Variants in RCC1L observed in about 807,000 individuals in gnomAD.
RCC1L encodes the protein RCC1-like G exchanging factor-like protein.
A neutral mutation model predicts 58.6 loss-of-function variants in RCC1L; 46 were observed. The ratio of observed to expected loss-of-function variants is 0.79; its 90% CI spans 0.62 to 1.00. The LOEUF (loss-of-function observed/expected upper bound fraction) is 1.00. RCC1L is among the 50% of genes least tolerant of loss of function. The pLI is 0.00. For synonymous variants in RCC1L, 281 were observed against 262.9 expected (o/e 1.07, Z -0.67); for missense variants, 636 against 623.6 (o/e 1.02, Z -0.21).
At chr7:75,064,185 C>T (rs1806373963) in intron 4 of RCC1L, among the ~76,000 whole-genome samples, 1 of 151,946 alleles carries the variant, frequency 6.6e-6, no homozygotes, top group Non-Finnish European at 1.5e-5. Flanking sequence ...CAAAAATTAG[C>T]CGGGCCTGCT....
chr7:75,047,844 G>A (rs1278458421), intron 10 of RCC1L, among the ~76,000 whole-genome samples: 3 of 147,880 alleles, frequency 2.0e-5, no homozygotes, highest in Non-Finnish European at 3.0e-5. Flanking sequence ...ACGGGGTTTC[G>A]CCATGTTGGT....
In RCC1L at chr7:75,047,252, C is replaced by T. The variant is rs1451601239; in HGVS notation, c.1318-4143G>A. Among the ~76,000 whole-genome samples the T allele has an allele frequency of 3.3e-5, 5 of 152,202 alleles. No individual in the cohort carries two copies. In the East Asian group the frequency reaches 5.8e-4, roughly 18 times the overall value. On this transcript the variant is annotated intron_variant, in intron 10 of 10. Coordinates refer to ENST00000610322, the MANE Select transcript of RCC1L (RefSeq NM_030798.5). ...GATTACAGGCGTGAGCCACTGCGCC[C>T]GGCCGCTTTTGTATTTTTAAATTTT... is the stretch of plus-strand genomic sequence containing the variant.
chr7:75,040,876 G>A (rs1462369303), downstream of RCC1L, among the ~76,000 whole-genome samples: 19 of 152,238 alleles, frequency 1.2e-4, no homozygotes, highest in South Asian at 8.3e-4. Flanking sequence ...TCTCATGGCC[G>A]CAGGTCACAG....
intron 10 of RCC1L, among the ~76,000 whole-genome samples, chr7:75,046,851 C>G (rs1344406624): frequency 3.3e-5 from 5 of 152,122 alleles, no homozygotes; most frequent in Non-Finnish European, 7.4e-5. Flanking sequence ...GACGGGGGTG[C>G]GGGAAGAAGG....
Position 75,042,810 on chromosome 7 carries a change from A to T in RCC1L, c.*222T>A, listed in dbSNP as rs1188205100. Reference sequence around the variant, plus strand: ...CCACAGCGGCCCACCAAAGGCTGCCATCCAAGCTGAGTTCCGCAGGCCTCA... The same window carrying T: ...CCACAGCGGCCCACCAAAGGCTGCCTTCCAAGCTGAGTTCCGCAGGCCTCA... On this transcript the variant is annotated 3_prime_UTR_variant, in exon 11 of 11. Coordinates refer to ENST00000610322, the MANE Select transcript of RCC1L (RefSeq NM_030798.5). The T allele has an allele frequency of 1.3e-5, 18 of 1,438,264 alleles. No individual in the cohort carries two copies. The African/African-American group carries it at 2.4e-4, about 20-fold the overall frequency. The allele number at this position is 1,438,264 out of a possible 1,614,324, so 89.1% of individuals were successfully genotyped here. A position where few individuals can be genotyped will look rare whatever the true frequency, so the allele number is the denominator to read the frequency against.
At chr7:75,028,026 A>C in exon 11 of RCC1L, 1 of 1,533,116 alleles carries the variant, frequency 6.5e-7, no homozygotes, top group South Asian at 1.2e-5. Flanking sequence ...CATCCCCCGG[A>C]GGTAATCAGA....
rs1053710934 is a variant in RCC1L at position 75,047,043 on chromosome 7, C to T, written c.1318-3934G>A. Among the ~76,000 whole-genome samples, 9 of 152,142 alleles carry T rather than the reference C, an allele frequency of 5.9e-5. No homozygotes were observed. In the East Asian group the frequency reaches 1.2e-3, roughly 20 times the overall value. ...CACGATCTCGGCTCACTGCAACCTC[C>T]GCCTCCCAAGTTCAAGCAATTCTCC... On this transcript the variant is annotated intron_variant, in intron 10 of 10. Coordinates refer to ENST00000610322, the MANE Select transcript of RCC1L (RefSeq NM_030798.5).
chr7:75,056,100 A>G, intron 8 of RCC1L, 26 bp from the exon 9 acceptor site: 1 of 1,613,850 alleles, frequency 6.2e-7, no homozygotes, highest in Non-Finnish European at 8.5e-7. Flanking sequence ...AACAAGGGTC[A>G]GTAAGTCCAT....
At chr7:75,064,474 C>G in intron 4 of RCC1L, 108 bp downstream of exon 4, 2 of 1,236,722 alleles carry the variant, frequency 1.6e-6, no homozygotes, top group Non-Finnish European at 2.4e-6. Context: ...TCACGGCCCC[C>G]TCTCAGGCAT....
rs963125189 is a variant in RCC1L, at chr7:75,044,482, C to G, written c.1318-1373G>C. On this transcript the variant is annotated intron_variant, in intron 10 of 10. Coordinates refer to ENST00000610322, the MANE Select transcript of RCC1L (RefSeq NM_030798.5). ...GGTGTGGTGGCGCACGCCTATAACC[C>G]CAGCTACTCGGGAGGCTGAGGCAGG... Among the ~76,000 whole-genome samples the G allele has an allele frequency of 3.0e-3, 453 of 151,232 alleles. 3 individuals carry two copies. The highest frequency in any genetic ancestry group is 8.6e-3 in the African/African-American group (354 of 41,236).
intron 1 of RCC1L, 103 bp from the exon 2 acceptor site, chr7:75,070,872 C>CG: frequency 6.7e-7 from 1 of 1,483,340 alleles, no homozygotes; most frequent in East Asian, 2.4e-5. Flanking sequence ...ATACTATTTA[C>CG]GGGGGTTTTG....
At chr7:75,032,847 G>A (rs1805341707) in intron 10 of RCC1L, among the ~76,000 whole-genome samples, 4 of 151,936 alleles carry the variant, frequency 2.6e-5, no homozygotes, top group Admixed American at 1.3e-4. Flanking sequence ...GGAGGCGGGA[G>A]GATTACCTGA....
chr7:75,056,185 G>GC, intron 8 of RCC1L, 111 bp from the exon 9 acceptor site: 3 of 1,084,860 alleles, frequency 2.8e-6, no homozygotes, highest in Non-Finnish European at 3.9e-6. Context: ...GTTTTTTTTT[G>GC]TTTTTTTTTT....
intron 2 of RCC1L, among the ~76,000 whole-genome samples, chr7:75,069,805 T>A (rs1563080498): frequency 6.6e-6 from 1 of 151,696 alleles, no homozygotes; most frequent in Non-Finnish European, 1.5e-5. Flanking sequence ...CCTCAAGTGA[T>A]CTGCCCTCCT....
At chr7:75,070,984 G>C (rs150586351) in intron 1 of RCC1L, among the ~76,000 whole-genome samples, 6 of 152,158 alleles carry the variant, frequency 3.9e-5, no homozygotes, top group African/African-American at 1.4e-4. Context: ...AGCCTCCCAA[G>C]TAGCTGGGAC....
At chr7:75,038,782 G>C (rs1417486871), downstream of RCC1L, among the ~76,000 whole-genome samples, 1 of 152,154 alleles carries the variant, frequency 6.6e-6, no homozygotes, top group Non-Finnish European at 1.5e-5. Context: ...GAACATGGCT[G>C]CGTGGCAAGG....
At position 75,042,746 on chromosome 7, in the gene RCC1L, A is replaced by G; in HGVS notation, c.*286T>C. On this transcript the variant is annotated 3_prime_UTR_variant, in exon 11 of 11. Coordinates refer to ENST00000610322, the MANE Select transcript of RCC1L (RefSeq NM_030798.5). ...TCTCAGGCGAGACGTGACACCAGAC[A>G]CCGTCGCATGTTACTTGGAGAGAAC... is the stretch of plus-strand genomic sequence containing the variant. 7.3e-7 allele frequency: 1 copy of G among 1,362,428 alleles called. No individual in the cohort carries two copies. The highest frequency in any genetic ancestry group is 9.5e-7 in the Non-Finnish European group (1 of 1,050,084). 84.4% of individuals were successfully genotyped at this position (1,362,428 alleles called of 1,614,324 possible). A position where few individuals can be genotyped will look rare whatever the true frequency, so the allele number is the denominator to read the frequency against.
At chr7:75,057,318 T>C (rs1286477836) in intron 8 of RCC1L, among the ~76,000 whole-genome samples, 5 of 152,046 alleles carry the variant, frequency 3.3e-5, no homozygotes, top group African/African-American at 1.2e-4. Context: ...GGTCTCGTTA[T>C]GTTGTCCAGG....
At chr7:75,043,190 C>G in intron 10 of RCC1L, 81 bp from the exon 11 acceptor site, 1 of 1,520,982 alleles carries the variant, frequency 6.6e-7, no homozygotes, top group Non-Finnish European at 9.1e-7. Context: ...CGACCCGGCC[C>G]TGCCTCTCAG....
Sources: allele counts gnomAD v4.1 joint callset (sites outside exome capture counted in the v4.1 genomes callset), GRCh38; gene constraint gnomAD v4.1.1; transcripts MANE v1.5; gene names NCBI Gene and HGNC (gene_info 2026-07-23, HGNC 2026-07-21).